Variants in FXYD6 observed in about 807,000 individuals in gnomAD.
FXYD6 encodes the protein FXYD domain containing ion transport regulator 6.
Under a neutral mutation model 16.7 loss-of-function variants are expected in FXYD6, and 7 were observed. The ratio of observed to expected loss-of-function variants is 0.42; its 90% CI spans 0.24 to 0.79. The LOEUF is 0.79. FXYD6 is among the 30% of genes least tolerant of loss of function. The pLI, the probability that FXYD6 is intolerant of heterozygous loss-of-function variation, is 0.28. For synonymous variants in FXYD6, 49 were observed against 43.0 expected, an observed-to-expected ratio of 1.14 and a Z score of -0.54; for missense variants, 111 against 116.2, an observed-to-expected ratio of 0.95 and a Z score of 0.21.
chr11:117,874,047 G>A (rs2057198902), intron 1 of FXYD6, among the ~76,000 whole-genome samples: 1 of 152,162 alleles, frequency 6.6e-6, no homozygotes, highest in Non-Finnish European at 1.5e-5. Context: ...TCCTGGCCGA[G>A]GAGTTAGAAG....
At chr11:117,864,908 G>T (rs777566854) in intron 1 of FXYD6, among the ~76,000 whole-genome samples, 7 of 152,086 alleles carry the variant, frequency 4.6e-5, no homozygotes, top group African/African-American at 7.2e-5. Context: ...TTATAAAAAT[G>T]TAAAAATGTG....
At chr11:117,847,430 T>C (rs1042779887) in intron 1 of FXYD6, among the ~76,000 whole-genome samples, 3 of 152,114 alleles carry the variant, frequency 2.0e-5, no homozygotes, top group Non-Finnish European at 4.4e-5. Context: ...TTGTTACATA[T>C]GTATACATGT....
At chr11:117,844,511 T>C (rs1005730618) in intron 1 of FXYD6, among the ~76,000 whole-genome samples, 2 of 152,152 alleles carry the variant, frequency 1.3e-5, no homozygotes, top group African/African-American at 4.8e-5. Flanking sequence ...TTTATTTATT[T>C]TGAGACTGAG....
chr11:117,864,563 G>C (rs1396464583), intron 1 of FXYD6, among the ~76,000 whole-genome samples: 1 of 151,648 alleles, frequency 6.6e-6, no homozygotes, highest in Non-Finnish European at 1.5e-5. Flanking sequence ...AAAGGCACAG[G>C]CAACAAAAGA....
chr11:117,846,038 A>G (rs1296546826), intron 1 of FXYD6, among the ~76,000 whole-genome samples: 1 of 152,228 alleles, frequency 6.6e-6, no homozygotes, highest in African/African-American at 2.4e-5. Context: ...CACAGTGGTC[A>G]TCTCCATGAT....
At chr11:117,858,688 TTTCTTTCTTTCTTTC>T (rs1565323562) in intron 1 of FXYD6, among the ~76,000 whole-genome samples, 36 of 87,846 alleles carry the variant, frequency 4.1e-4, no homozygotes, top group African/African-American at 1.8e-3. Flanking sequence ...TCTTTCTTTC[TTTCTTTCTTTCTTTC>T]TCTCTCTCTC....
At chr11:117,843,003 G>A (rs1014696823) in intron 1 of FXYD6, among the ~76,000 whole-genome samples, 5 of 151,808 alleles carry the variant, frequency 3.3e-5, no homozygotes, top group African/African-American at 4.8e-5. Context: ...GCATGATCTC[G>A]GCTCACTGCA....
chr11:117,839,435 C>T (rs11216577), intron 7 of FXYD6: 23,158 of 327,330 alleles, frequency 0.071, 1,300 homozygotes, highest in African/African-American at 0.19. Flanking sequence ...TGAGTCACCA[C>T]GGAAAGCCAT....
rs149508565 is a variant in FXYD6, at chr11:117,855,476, GC to G, written c.-5-12696del. Among the ~76,000 whole-genome samples the G allele has an allele frequency of 7.1e-4, 108 of 152,292 alleles. No individual in the cohort carries two copies. In the East Asian group the frequency reaches 0.015, roughly 22 times the overall value. On this transcript the variant is annotated intron_variant, in intron 1 of 7. Transcript: ENST00000526014. ...CACAGAATGCCTTTGTCTCACTGCT[GC>G]ACCCAGCTTGGCTTCCCTTCCATCT...
intron 1 of FXYD6, among the ~76,000 whole-genome samples, chr11:117,847,407 A>G (rs2056495514): frequency 6.6e-6 from 1 of 152,032 alleles, no homozygotes; most frequent in South Asian, 2.1e-4. Context: ...GTACATGTGC[A>G]CAACGTGCAG....
rs1029441336 is a variant in FXYD6, at chr11:117,841,657, G to C, written c.172+134C>G. 3.3e-6 allele frequency: 3 copies of C among 913,426 alleles called. No individual in the cohort carries two copies. The South Asian group carries it at 4.2e-5, about 13-fold the overall frequency. The allele number at this position is 913,426 out of a possible 1,614,324, so 56.6% of individuals were successfully genotyped here. A position where few individuals can be genotyped will look rare whatever the true frequency, so the allele number is the denominator to read the frequency against. On this transcript the variant is annotated intron_variant, in intron 4 of 7. Transcript: ENST00000526014. ...TATGTGCCCAGCACTCTACTGGGTC[G>C]TGAAGATAACACGGAGGGCAGGCAG...
Position 117,876,604 on chromosome 11 carries a change from T to C in FXYD6, c.-18A>G, listed in dbSNP as rs1409388805. 1 of 152,138 alleles carries C rather than the reference T, an allele frequency of 6.6e-6. No homozygotes were observed. The highest frequency in any genetic ancestry group is 1.5e-5 in the Non-Finnish European group (1 of 68,128). The allele number at this position is 152,138 out of a possible 1,614,324, so 9.4% of individuals were successfully genotyped here. On this transcript the variant is annotated 5_prime_UTR_variant, in exon 1 of 8. Coordinates refer to ENST00000526014, the MANE Select transcript of FXYD6 (RefSeq NM_022003.4). ...CCCAGCCGCCTACCTGCACAGCCGGTCCCCTCCGAGACTCCCAGGAGGACC... is the reference window on the plus strand; with the variant it reads ...CCCAGCCGCCTACCTGCACAGCCGGCCCCCTCCGAGACTCCCAGGAGGACC...
At chr11:117,847,916 T>C (rs1789370729) in intron 1 of FXYD6, among the ~76,000 whole-genome samples, 2 of 152,180 alleles carry the variant, frequency 1.3e-5, no homozygotes, top group African/African-American at 2.4e-5. Flanking sequence ...TATTTCTAGT[T>C]CTAGATTCCT....
At chr11:117,866,576 T>C (rs1350445861) in intron 1 of FXYD6, among the ~76,000 whole-genome samples, 1 of 151,996 alleles carries the variant, frequency 6.6e-6, no homozygotes, top group South Asian at 2.1e-4. Flanking sequence ...ATAGGAGAGG[T>C]TGTGGCATGT....
At position 117,840,494 on chromosome 11, in the gene FXYD6, G is replaced by A. The variant is rs997167255; in HGVS notation, c.210-126C>T. On this transcript the variant is annotated intron_variant, in intron 5 of 7. Transcript: ENST00000526014. ...CTCCTCCCAGTGCCCTGAGGGGCTG[G>A]AGCTCACTCTGCTGTGGGATGCATG... 8.6e-6 allele frequency: 11 copies of A among 1,281,202 alleles called. No homozygotes were observed. The Admixed American group carries it at 9.5e-5, about 11-fold the overall frequency. 79.4% of individuals were successfully genotyped at this position (1,281,202 alleles called of 1,614,324 possible).
rs2057110045 is a variant in FXYD6 at position 117,870,395 on chromosome 11, TG to T, written c.-6+6196del. On this transcript the variant is annotated intron_variant, in intron 1 of 7. Coordinates refer to ENST00000526014, the MANE Select transcript of FXYD6 (RefSeq NM_022003.4). The surrounding 1 kb of genome is among the most constrained non-coding windows in gnomAD (Gnocchi z 4.2). ...GGGATCACCTCCCCCACACACCTGC[TG>T]ACAAAGGCCCATTCAAGACAGGACA... Among the ~76,000 whole-genome samples the T allele has an allele frequency of 6.6e-6, 1 of 152,148 alleles. No homozygotes were observed. The highest frequency in any genetic ancestry group is 1.5e-5 in the Non-Finnish European group (1 of 68,024).
At chr11:117,849,941 C>T (rs2134156478) in intron 1 of FXYD6, among the ~76,000 whole-genome samples, 1 of 152,280 alleles carries the variant, frequency 6.6e-6, no homozygotes, top group South Asian at 2.1e-4. Context: ...TGTGCAAGTG[C>T]TCCGAAGGGT....
At chr11:117,845,080 G>A (rs73593314) in intron 1 of FXYD6, among the ~76,000 whole-genome samples, 35 of 152,222 alleles carry the variant, frequency 2.3e-4, no homozygotes, top group African/African-American at 7.9e-4. Flanking sequence ...TTATGCATTC[G>A]TCACCAATCT....
chr11:117,873,688 G>A (rs551390535), intron 1 of FXYD6, among the ~76,000 whole-genome samples: 13 of 152,252 alleles, frequency 8.5e-5, no homozygotes, highest in African/African-American at 1.9e-4. Flanking sequence ...TCCAGATGGC[G>A]GCCGACTAAG....
Sources: allele counts gnomAD v4.1 joint callset (sites outside exome capture counted in the v4.1 genomes callset), GRCh38; gene constraint gnomAD v4.1.1; non-coding constraint Gnocchi (gnomAD v3.1); transcripts MANE v1.5; gene names NCBI Gene and HGNC (gene_info 2026-07-23, HGNC 2026-07-21).